The following RANBP17 variants were observed in gnomAD, a reference collection of about 807,000 sequenced individuals.
The protein encoded by RANBP17 is RAN binding protein 17.
Under a neutral mutation model 141.2 loss-of-function variants are expected in RANBP17, and 158 were observed. The ratio of observed to expected loss-of-function variants is 1.12; its 90% CI spans 0.98 to 1.28. The LOEUF is 1.28. RANBP17 is among the 50% of genes most tolerant of loss of function. The probability of loss-of-function intolerance (pLI) is 0.00; values close to 1 mark genes in which losing one functional copy is unlikely to be tolerated. For synonymous variants in RANBP17, 430 were observed against 450.0 expected (o/e 0.96, Z 0.56); for missense variants, 1,438 against 1,290.7 (o/e 1.11, Z -1.75).
intron 25 of RANBP17, among the ~76,000 whole-genome samples, chr5:171,271,811 T>C (rs1561818304): frequency 6.6e-6 from 1 of 152,210 alleles, no homozygotes; most frequent in Non-Finnish European, 1.5e-5. Flanking sequence ...ATAACAGAAT[T>C]TTTGCACATG....
At chr5:171,187,742 G>C (rs1445800) in intron 18 of RANBP17, among the ~76,000 whole-genome samples, 3 of 152,130 alleles carry the variant, frequency 2.0e-5, no homozygotes, top group African/African-American at 7.2e-5. Flanking sequence ...CAGTACCTTA[G>C]GATGGGTACT....
intron 3 of RANBP17, among the ~76,000 whole-genome samples, chr5:170,888,778 C>G (rs1272007855): frequency 4.6e-5 from 7 of 152,050 alleles, no homozygotes; most frequent in African/African-American, 1.7e-4. Context: ...TTTTCCCAAT[C>G]TTAGTGAGAA....
chr5:171,068,802 G>A (rs1375283729), intron 14 of RANBP17, among the ~76,000 whole-genome samples: 1 of 152,100 alleles, frequency 6.6e-6, no homozygotes, highest in Non-Finnish European at 1.5e-5. Flanking sequence ...TGTCGGCCAA[G>A]GTCAAACTCT....
chr5:171,173,444 A>C (rs1238071789), intron 16 of RANBP17, among the ~76,000 whole-genome samples: 1 of 152,018 alleles, frequency 6.6e-6, no homozygotes, highest in Non-Finnish European at 1.5e-5. Flanking sequence ...AATGAAAAGC[A>C]TGTTTCTCAC....
intron 16 of RANBP17, among the ~76,000 whole-genome samples, chr5:171,178,170 AC>A (rs797021895): frequency 5.5e-5 from 2 of 36,058 alleles, no homozygotes; most frequent in Non-Finnish European, 1.1e-4. Context: ...TCCCTCCCCT[AC>A]CCCCCCACCC....
In RANBP17 at chr5:171,298,864, C is replaced by T; in HGVS notation, c.*6C>T. 1.9e-6 allele frequency: 3 copies of T among 1,611,656 alleles called. No homozygotes were observed. Among genetic ancestry groups the T allele is most frequent in the Non-Finnish European group, 2.5e-6 (3 of 1,177,710 alleles). On this transcript the variant is annotated 3_prime_UTR_variant, in exon 28 of 28. Coordinates refer to ENST00000523189, the MANE Select transcript of RANBP17 (RefSeq NM_022897.5). ...GTCTCGACATGATGAGCTGACCCGACTTTTCTGACCATGTGCGGAGCAGCC... is the reference window on the plus strand; with the variant it reads ...GTCTCGACATGATGAGCTGACCCGATTTTTCTGACCATGTGCGGAGCAGCC...
intron 1 of RANBP17, among the ~76,000 whole-genome samples, chr5:170,869,170 ATACCCCAGGTCTGTTCT>A (rs1767503299): frequency 6.6e-6 from 1 of 152,196 alleles, no homozygotes; most frequent in African/African-American, 2.4e-5. Context: ...CTATGTAAAT[ATACCCCAGGTCTGTTCT>A]GTCTTGAGGT....
At chr5:171,275,852 G>A (rs1032864813) in intron 25 of RANBP17, among the ~76,000 whole-genome samples, 5 of 152,038 alleles carry the variant, frequency 3.3e-5, no homozygotes, top group Non-Finnish European at 5.9e-5. Context: ...TGAAATGCAC[G>A]TATGGAAACA....
At chr5:171,282,905 T>C (rs2128038082) in intron 25 of RANBP17, among the ~76,000 whole-genome samples, 1 of 152,260 alleles carries the variant, frequency 6.6e-6, no homozygotes, top group Admixed American at 6.5e-5. Flanking sequence ...TCAGCTTTAA[T>C]GGCACCCCAT....
chr5:170,909,661 G>C lies in RANBP17; in HGVS notation c.490G>C (p.Val164Leu). 1 of 1,437,728 alleles carries C rather than the reference G, an allele frequency of 7.0e-7. No homozygotes were observed. The highest frequency in any genetic ancestry group is 9.5e-7 in the Non-Finnish European group (1 of 1,051,240). 89.1% of individuals were successfully genotyped at this position (1,437,728 alleles called of 1,614,324 possible). A position where few individuals can be genotyped will look rare whatever the true frequency, so the allele number is the denominator to read the frequency against. The change falls in exon 6 of 28, where the codon GTT (valine) becomes CTT (leucine). Residue 164 changes from valine (V) to leucine (L), a missense_variant and splice_region_variant. Coordinates refer to ENST00000523189, the MANE Select transcript of RANBP17 (RefSeq NM_022897.5). The part of the protein sequence containing the change: ...LSELTQEMNL[V>L]DYSRPSAKHR... ...ACTAATTTCATCTTTATCTTTTTAG[G>C]TTGATTATTCTAGACCTTCAGCAAA...
chr5:170,955,196 C>T (rs893084309), intron 13 of RANBP17, among the ~76,000 whole-genome samples: 1 of 152,034 alleles, frequency 6.6e-6, no homozygotes, highest in Admixed American at 6.6e-5. Context: ...GACCACTGTG[C>T]TGAACCCAAA....
intron 14 of RANBP17, among the ~76,000 whole-genome samples, chr5:171,020,024 G>A (rs1247530475): frequency 2.0e-5 from 3 of 152,026 alleles, no homozygotes; most frequent in African/African-American, 7.2e-5. Flanking sequence ...TCATTTCACT[G>A]TTTACTGAGG....
intron 5 of RANBP17, among the ~76,000 whole-genome samples, chr5:170,901,704 A>G (rs1215575440): frequency 2.0e-5 from 3 of 152,202 alleles, no homozygotes; most frequent in African/African-American, 7.2e-5. Context: ...GAGCTCTTGT[A>G]AGGCAGGCCT....
At chr5:171,227,190 T>G (rs1763933013) in intron 22 of RANBP17, among the ~76,000 whole-genome samples, 2 of 152,232 alleles carry the variant, frequency 1.3e-5, no homozygotes, top group Non-Finnish European at 2.9e-5. Context: ...TGTCAAATGC[T>G]GAGACAGGTC....
chr5:170,871,707 A>G (rs1767741483), intron 1 of RANBP17, among the ~76,000 whole-genome samples: 1 of 152,162 alleles, frequency 6.6e-6, no homozygotes, highest in Non-Finnish European at 1.5e-5. Flanking sequence ...AAAATGTAAG[A>G]AAGGGGCCCA....
chr5:171,271,350 T>A, intron 25 of RANBP17: 1 of 212,092 alleles, frequency 4.7e-6, no homozygotes, highest in East Asian at 7.0e-5. Flanking sequence ...GAAATGATAT[T>A]GCTCAACATT....
chr5:170,916,692 A>C (rs1772002525), intron 9 of RANBP17, 108 bp downstream of exon 9: 4 of 613,256 alleles, frequency 6.5e-6, no homozygotes, highest in African/African-American at 5.8e-5. Context: ...GAAAACATTT[A>C]GTATCATATA....
rs563478844 is a variant in RANBP17, at chr5:171,175,448, CTGT to C, written c.1865+4167_1865+4169del. 2.0e-3 allele frequency among the ~76,000 whole-genome samples: 306 copies of C among 152,240 alleles called. 2 individuals carry two copies. Among genetic ancestry groups the C allele is most frequent in the African/African-American group, 6.9e-3 (286 of 41,548 alleles). On this transcript the variant is annotated intron_variant, in intron 16 of 27. Transcript: ENST00000523189. ...TGTTTCTCCACATCCTCTCCAGCAT[CTGT>C]TGTTTCCTGTCTTTTTAATGATCAC...
intron 1 of RANBP17, among the ~76,000 whole-genome samples, chr5:170,864,786 T>G (rs1402741720): frequency 2.6e-5 from 4 of 151,864 alleles, no homozygotes; most frequent in Non-Finnish European, 4.4e-5. Context: ...GCTACCTGAT[T>G]TGATCTAGAT....
Sources: allele counts gnomAD v4.1 joint callset (sites outside exome capture counted in the v4.1 genomes callset), GRCh38; gene constraint gnomAD v4.1.1; transcripts MANE v1.5; gene names NCBI Gene and HGNC (gene_info 2026-07-23, HGNC 2026-07-21).